Variants in SEMA3A observed in about 807,000 individuals in gnomAD.
SEMA3A encodes semaphorin 3A, also known as semaphorin-3A.
In SEMA3A, 29 loss-of-function variants were observed where a neutral mutation model predicts 97.9. The ratio of observed to expected loss-of-function variants is 0.30; its 90% CI spans 0.22 to 0.40. The LOEUF is 0.40. Ranked by LOEUF, SEMA3A falls within the 10% of genes least tolerant of loss-of-function variation. The pLI is 1.00. For synonymous variants in SEMA3A, 321 were observed against 323.7 expected, an observed-to-expected ratio of 0.99 and a Z score of 0.09; for missense variants, 763 against 951.3, an observed-to-expected ratio of 0.80 and a Z score of 2.60.
At chr7:84,076,613 T>A (rs1370178268) in intron 4 of SEMA3A, among the ~76,000 whole-genome samples, 2 of 152,160 alleles carry the variant, frequency 1.3e-5, no homozygotes, top group Non-Finnish European at 2.9e-5. Flanking sequence ...GAATTTACCA[T>A]GACAGATAAT....
At chr7:84,220,076 G>A (rs1404863726) in intron 3 of SEMA3A, among the ~76,000 whole-genome samples, 3 of 152,148 alleles carry the variant, frequency 2.0e-5, no homozygotes, top group Admixed American at 6.6e-5. Context: ...CTTTCAAAAT[G>A]TCTCAAACCC....
At chr7:84,254,550 T>A (rs1324302329) in intron 3 of SEMA3A, among the ~76,000 whole-genome samples, 1 of 152,192 alleles carries the variant, frequency 6.6e-6, no homozygotes, top group Admixed American at 6.6e-5. Context: ...CAATGACGCA[T>A]AATATTCCAA....
intron 15 of SEMA3A, among the ~76,000 whole-genome samples, chr7:83,974,141 G>A (rs564406350): frequency 6.6e-6 from 1 of 152,032 alleles, no homozygotes; most frequent in Non-Finnish European, 1.5e-5. Flanking sequence ...GACAAGAGTT[G>A]CCAGCACACA....
At chr7:84,298,280 T>C (rs1170304075) in intron 3 of SEMA3A, among the ~76,000 whole-genome samples, 1 of 152,174 alleles carries the variant, frequency 6.6e-6, no homozygotes, top group Non-Finnish European at 1.5e-5. Context: ...GAACATAATA[T>C]GAATTCTAAT....
chr7:84,101,715 G>A (rs1304565858), intron 4 of SEMA3A, among the ~76,000 whole-genome samples: 1 of 152,102 alleles, frequency 6.6e-6, no homozygotes, highest in Admixed American at 6.6e-5. Context: ...TTACACAAAT[G>A]CTCATATAGG....
intron 1 of SEMA3A, among the ~76,000 whole-genome samples, chr7:84,470,383 T>C (rs1028388499): frequency 5.3e-5 from 8 of 152,130 alleles, no homozygotes; most frequent in Admixed American, 2.0e-4. Flanking sequence ...CTAAGCTATA[T>C]GATGAAGCAT....
chr7:84,447,510 A>G (rs1805448788), intron 1 of SEMA3A, among the ~76,000 whole-genome samples: 1 of 152,026 alleles, frequency 6.6e-6, no homozygotes, highest in Admixed American at 6.5e-5. Flanking sequence ...TGAGCCCATA[A>G]AACTCCCCGA....
At chr7:83,969,361 A>AT (rs1293471363) in intron 15 of SEMA3A, among the ~76,000 whole-genome samples, 1 of 152,048 alleles carries the variant, frequency 6.6e-6, no homozygotes, top group Non-Finnish European at 1.5e-5. Flanking sequence ...ATTGCCAAAA[A>AT]AAATCTCTTT....
chr7:84,167,925 C>T (rs1244056723), intron 1 of SEMA3A, among the ~76,000 whole-genome samples: 4 of 151,992 alleles, frequency 2.6e-5, no homozygotes, highest in Admixed American at 6.6e-5. Context: ...ATGGCAGTAT[C>T]GAAGTGGATC....
intron 10 of SEMA3A, among the ~76,000 whole-genome samples, chr7:84,006,711 T>C (rs1339116451): frequency 6.6e-6 from 1 of 152,194 alleles, no homozygotes; most frequent in Non-Finnish European, 1.5e-5. Context: ...GGAGCTAAAA[T>C]GTAATTATGA....
intron 1 of SEMA3A, among the ~76,000 whole-genome samples, chr7:84,144,308 A>C (rs1387007770): frequency 2.6e-5 from 4 of 152,114 alleles, no homozygotes; most frequent in Non-Finnish European, 4.4e-5. Flanking sequence ...AAATAAGTTC[A>C]CTAAAATGTA....
intron 3 of SEMA3A, among the ~76,000 whole-genome samples, chr7:84,271,472 A>G (rs1164109156): frequency 2.6e-5 from 4 of 152,146 alleles, no homozygotes; most frequent in African/African-American, 7.2e-5. Flanking sequence ...TCAGGTCACT[A>G]TTACAATATC....
At chr7:84,053,625 T>G (rs1413873341) in intron 5 of SEMA3A, among the ~76,000 whole-genome samples, 8 of 148,682 alleles carry the variant, frequency 5.4e-5, no homozygotes, top group African/African-American at 2.0e-4. Flanking sequence ...TGAGATGGGT[T>G]TCCTGAATAC....
intron 3 of SEMA3A, among the ~76,000 whole-genome samples, chr7:84,299,706 G>A (rs1221648946): frequency 6.6e-6 from 1 of 151,640 alleles, no homozygotes; most frequent in African/African-American, 2.4e-5. Context: ...TGAGGAACGT[G>A]AAGACCATGT....
intron 3 of SEMA3A, among the ~76,000 whole-genome samples, chr7:84,298,729 G>T (rs1385813134): frequency 6.6e-6 from 1 of 152,158 alleles, no homozygotes; most frequent in African/African-American, 2.4e-5. Flanking sequence ...AATATTGAGG[G>T]TCAACTTGAT....
chr7:84,428,543 A>T (rs1804885786), intron 1 of SEMA3A, among the ~76,000 whole-genome samples: 1 of 152,086 alleles, frequency 6.6e-6, no homozygotes, highest in East Asian at 1.9e-4. Flanking sequence ...ATATTTTAAA[A>T]ATTTCTTTGA....
chr7:84,387,562 C>T (rs578006124), intron 1 of SEMA3A, among the ~76,000 whole-genome samples: 2 of 152,276 alleles, frequency 1.3e-5, no homozygotes, highest in South Asian at 4.1e-4. Context: ...ATGCCTTCAA[C>T]ATCTTATTTT....
intron 1 of SEMA3A, among the ~76,000 whole-genome samples, chr7:84,448,161 C>T (rs185960038): frequency 1.1e-3 from 160 of 152,248 alleles, no homozygotes; most frequent in African/African-American, 3.8e-3. Flanking sequence ...CCTGCCAGGT[C>T]GAGTTGGAGG....
chr7:84,362,162 T>C (rs1341254013), intron 2 of SEMA3A, among the ~76,000 whole-genome samples: 1 of 151,776 alleles, frequency 6.6e-6, no homozygotes, highest in East Asian at 1.9e-4. Context: ...TGTTGTAAAC[T>C]TGAGAACAGG....
Sources: gnomAD v4.1 joint callset for allele counts (sites outside exome capture counted in the v4.1 genomes callset) on GRCh38, gnomAD v4.1.1 for gene constraint, MANE v1.5 for transcripts, NCBI Gene and HGNC (gene_info 2026-07-23, HGNC 2026-07-21) for gene names.